Variants in ABCA1 observed in about 807,000 individuals in gnomAD.
ABCA1 encodes the protein phospholipid-transporting ATPase ABCA1.
Under a neutral mutation model 262.5 loss-of-function variants are expected in ABCA1, and 133 were observed. The observed-to-expected ratio is 0.51, with a 90% CI of 0.44 to 0.59. The LOEUF (loss-of-function observed/expected upper bound fraction) is 0.59. Among genes scored for constraint, ABCA1 ranks in the 20% least tolerant of loss-of-function variants. The pLI is 0.00. For missense variants in ABCA1, 2,452 were observed against 2,777.5 expected (o/e 0.88, Z 2.63); for synonymous variants, 1,022 against 1,043.5 (o/e 0.98, Z 0.40).
intron 30 of ABCA1, among the ~76,000 whole-genome samples, 192 bp from the exon 31 acceptor site, chr9:104,806,622 C>T (rs1830791263): frequency 6.6e-6 from 1 of 152,198 alleles, no homozygotes. Flanking sequence ...TCATTTATAT[C>T]ATCATTATGT....
At chr9:104,809,290 T>C (rs1831060637) in intron 30 of ABCA1, among the ~76,000 whole-genome samples, 176 bp downstream of exon 30, 1 of 152,264 alleles carries the variant, frequency 6.6e-6, no homozygotes, top group Non-Finnish European at 1.5e-5. Flanking sequence ...AAACGTTTGT[T>C]CCTAGATAAT....
chr9:104,788,314 T>C (rs1829106460), intron 45 of ABCA1, 112 bp downstream of exon 45: 12 of 1,481,778 alleles, frequency 8.1e-6, no homozygotes, highest in African/African-American at 1.4e-5. Context: ...CATTTTGTGC[T>C]GCTGCATTCA....
chr9:104,866,095 G>A (rs954249915), intron 5 of ABCA1, among the ~76,000 whole-genome samples: 10 of 152,142 alleles, frequency 6.6e-5, no homozygotes, highest in Non-Finnish European at 1.3e-4. Context: ...GGAGAGGAAG[G>A]GGTAAGACCT....
chr9:104,787,124 A>G (rs1828999649), intron 46 of ABCA1, 148 bp from the exon 47 acceptor site: 1 of 647,144 alleles, frequency 1.5e-6, no homozygotes, highest in Non-Finnish European at 2.6e-6. Flanking sequence ...AATTAGAGTA[A>G]CTTTCAAATT....
intron 13 of ABCA1, 93 bp downstream of exon 13, chr9:104,831,529 A>C (rs1243999725): frequency 9.1e-7 from 1 of 1,103,090 alleles, no homozygotes; most frequent in African/African-American, 1.6e-5. Context: ...ATTTCTACCA[A>C]ATTTTTAGTT....
At position 104,810,921 on chromosome 9, in the gene ABCA1, C is replaced by T. The variant is rs776579957; in HGVS notation, c.4054G>A (p.Val1352Ile). The change falls in exon 29 of 50, where the codon GTC becomes ATC. Residue 1352 changes from valine to isoleucine, a missense_variant. Physicochemically the swap from Val to Ile is conservative, Grantham distance 29 (BLOSUM62 3). Transcript: ENST00000374736. ...ATGCAGACAAACACAGCTGGCAAGA[C>T]AATCTTTACCCAGGCAGTGGAGGGG... ...RSRKGFFAQI[V>I]LPAVFVCIAL... is the part of the protein sequence containing the mutation. 1 of 1,614,172 alleles carries T rather than the reference C, an allele frequency of 6.2e-7. No homozygotes were observed. Among genetic ancestry groups the T allele is most frequent in the East Asian group, 2.2e-5 (1 of 44,876 alleles).
intron 5 of ABCA1, among the ~76,000 whole-genome samples, chr9:104,882,149 A>G (rs1306059804): frequency 6.6e-6 from 1 of 151,678 alleles, no homozygotes; most frequent in Non-Finnish European, 1.5e-5. Flanking sequence ...AGCAAAGGCC[A>G]GCCAACTCCA....
At chr9:104,894,584 A>C (rs755265033) in intron 2 of ABCA1, among the ~76,000 whole-genome samples, 4 of 152,236 alleles carry the variant, frequency 2.6e-5, no homozygotes, top group African/African-American at 4.8e-5. Flanking sequence ...TGAGATTCAA[A>C]GAGTTAATAC....
At chr9:104,926,721 G>T (rs1443245681) in intron 1 of ABCA1, among the ~76,000 whole-genome samples, 2 of 152,148 alleles carry the variant, frequency 1.3e-5, no homozygotes, top group Non-Finnish European at 2.9e-5. Flanking sequence ...CGAGTTCTGC[G>T]CCGCCCGCCG....
intron 7 of ABCA1, among the ~76,000 whole-genome samples, chr9:104,848,524 A>C (rs565381444): frequency 6.6e-6 from 1 of 152,064 alleles, no homozygotes; most frequent in African/African-American, 2.4e-5. Context: ...CTGAGGCAGG[A>C]AAATTGCTTG....
chr9:104,884,617 T>C (rs981581883), intron 3 of ABCA1, 49 bp from the exon 4 acceptor site: 1 of 1,610,516 alleles, frequency 6.2e-7, no homozygotes, highest in Non-Finnish European at 8.5e-7. Context: ...ATTAATTCCC[T>C]GAAGCGATTT....
At position 104,810,513 on chromosome 9, in the gene ABCA1, T is replaced by A. The variant is rs1351305726; in HGVS notation, c.4175+287A>T. On this transcript the variant is annotated intron_variant, in intron 29 of 49. Coordinates refer to ENST00000374736, the MANE Select transcript of ABCA1 (RefSeq NM_005502.4). ...ATCCAAATATTTTATAACTTAATCA[T>A]GGATTTTTGCAAGGGTGGATTATTT... Among the ~76,000 whole-genome samples, 3 of 152,264 alleles carry A rather than the reference T, an allele frequency of 2.0e-5. No homozygotes were observed. The South Asian group carries it at 6.2e-4, about 32-fold the overall frequency.
intron 14 of ABCA1, among the ~76,000 whole-genome samples, chr9:104,830,425 C>G (rs1303211516): frequency 6.6e-6 from 1 of 152,136 alleles, no homozygotes; most frequent in Non-Finnish European, 1.5e-5. Flanking sequence ...TGCAGTGGCT[C>G]ACACCTGTAA....
intron 1 of ABCA1, among the ~76,000 whole-genome samples, chr9:104,926,449 CA>C (rs33976424): frequency 0.19 from 25,084 of 132,454 alleles, 2,463 homozygotes; most frequent in South Asian, 0.35. Context: ...AACACGCTAA[CA>C]AAAAAAAAAA....
At chr9:104,886,895 A>T (rs1438137624) in intron 3 of ABCA1, among the ~76,000 whole-genome samples, 1 of 152,180 alleles carries the variant, frequency 6.6e-6, no homozygotes, top group East Asian at 1.9e-4. Context: ...GGGACAAGAC[A>T]CCTCTCCAAG....
intron 1 of ABCA1, among the ~76,000 whole-genome samples, chr9:104,914,624 A>T (rs1841727099): frequency 6.6e-6 from 1 of 152,170 alleles, no homozygotes; most frequent in South Asian, 2.1e-4. Flanking sequence ...ATGTGCAACA[A>T]GCTACTGTGT....
chr9:104,897,427 T>C (rs940425960), intron 2 of ABCA1, among the ~76,000 whole-genome samples: 7 of 152,188 alleles, frequency 4.6e-5, no homozygotes, highest in African/African-American at 1.7e-4. Flanking sequence ...AAAGATTAAA[T>C]GTATAGAATC....
At chr9:104,863,027 A>G (rs976322628) in intron 5 of ABCA1, among the ~76,000 whole-genome samples, 2 of 152,064 alleles carry the variant, frequency 1.3e-5, no homozygotes, top group African/African-American at 4.8e-5. Context: ...AAAGGATTTC[A>G]TACGGAATCT....
In ABCA1 at chr9:104,785,267, C is replaced by G. The variant is rs542030834; in HGVS notation, c.6645+129G>C. The stretch of plus-strand genomic sequence containing the variant: ...CAGAGAGGTTTAGTAAAAAGCATAG[C>G]TAGGAATAGTAGATCAGGAATTCAA... On this transcript the variant is annotated intron_variant, in intron 49 of 49. Coordinates refer to ENST00000374736, the MANE Select transcript of ABCA1 (RefSeq NM_005502.4). The G allele has an allele frequency of 2.4e-5, 30 of 1,256,704 alleles. No individual in the cohort carries two copies. The East Asian group carries it at 6.6e-4, about 28-fold the overall frequency. The allele number at this position is 1,256,704 out of a possible 1,614,324, so 77.8% of individuals were successfully genotyped here. A position where few individuals can be genotyped will look rare whatever the true frequency, so the allele number is the denominator to read the frequency against.
Sources: allele counts gnomAD v4.1 joint callset (sites outside exome capture counted in the v4.1 genomes callset), GRCh38; gene constraint gnomAD v4.1.1; transcripts MANE v1.5; gene names NCBI Gene and HGNC (gene_info 2026-07-23, HGNC 2026-07-21).